DNAJC17: variants seen among roughly 807,000 people sequenced by gnomAD.
DNAJC17 encodes the protein DnaJ heat shock protein family (Hsp40) member C17.
Under a neutral mutation model 48.1 loss-of-function variants are expected in DNAJC17, and 35 were observed. That is an observed-to-expected ratio of 0.73 (90% confidence interval 0.56 to 0.96). The LOEUF is 0.96. DNAJC17 is among the 50% of genes least tolerant of loss of function. The pLI, the probability that DNAJC17 is intolerant of heterozygous loss-of-function variation, is 0.00. For synonymous variants in DNAJC17, 117 were observed against 142.7 expected, an observed-to-expected ratio of 0.82 and a Z score of 1.28; for missense variants, 355 against 377.1, an observed-to-expected ratio of 0.94 and a Z score of 0.48.
rs1267162151 is a variant in DNAJC17 at position 40,791,620 on chromosome 15, G to A, written c.79-11623C>T. Among the ~76,000 whole-genome samples, 8 of 151,988 alleles carry A rather than the reference G, an allele frequency of 5.3e-5. No individual in the cohort carries two copies. In the South Asian group the frequency reaches 1.0e-3, roughly 20 times the overall value. On this transcript the variant is annotated intron_variant, in intron 1 of 10. Transcript: ENST00000220496. The stretch of plus-strand genomic sequence containing the variant: ...AGCACTTTGGGAGGCTGAGGTGGGC[G>A]GATCACCTGAGGTCAGGAGTTCGAC...
intron 4 of DNAJC17, chr15:40,776,957 G>A (rs967299652): frequency 1.2e-5 from 3 of 245,252 alleles, no homozygotes; most frequent in East Asian, 9.1e-5. Flanking sequence ...AATGGGCGGA[G>A]CTGCTGGGCT....
At position 40,770,484 on chromosome 15, in the gene DNAJC17, C is replaced by G. The variant is rs1483411016; in HGVS notation, c.793-2422G>C. On this transcript the variant is annotated intron_variant, in intron 10 of 10. Coordinates refer to ENST00000220496, the MANE Select transcript of DNAJC17 (RefSeq NM_018163.3). This position sits in a 1 kb window ranked among gnomAD's most constrained non-coding sequence, Gnocchi z 5.0. ...GCTCCTGAACACCTGTCTGCTGGCT[C>G]CCCTGGGCCCCATGGAGACCTGGCG... The G allele has an allele frequency of 3.2e-6, 5 of 1,543,978 alleles. No homozygotes were observed. The highest frequency in any genetic ancestry group is 4.4e-6 in the Non-Finnish European group (5 of 1,144,104).
chr15:40,774,923 G>A (rs1258483071), intron 8 of DNAJC17, 108 bp downstream of exon 8: 1 of 1,155,016 alleles, frequency 8.7e-7, no homozygotes, highest in Non-Finnish European at 1.3e-6. Flanking sequence ...GAAAAAAAAA[G>A]CAAGTAGATA....
In DNAJC17 at chr15:40,770,451, C is replaced by T. The variant is rs916825958; in HGVS notation, c.793-2389G>A. 10 of 1,512,272 alleles carry T rather than the reference C, an allele frequency of 6.6e-6. No individual in the cohort carries two copies. Among genetic ancestry groups the T allele is most frequent in the East Asian group, 2.5e-5 (1 of 40,764 alleles). The allele number at this position is 1,512,272 out of a possible 1,614,324, so 93.7% of individuals were successfully genotyped here. ...ACTGCCCCAGCAGGGACCACATGCA[C>T]CCTGGCTGCTCCTGAACACCTGTCT... On this transcript the variant is annotated intron_variant, in intron 10 of 10. Coordinates refer to ENST00000220496, the MANE Select transcript of DNAJC17 (RefSeq NM_018163.3). This position sits in a 1 kb window ranked among gnomAD's most constrained non-coding sequence, Gnocchi z 5.0.
intron 1 of DNAJC17, among the ~76,000 whole-genome samples, chr15:40,781,286 G>C (rs1889479474): frequency 6.6e-6 from 1 of 151,964 alleles, no homozygotes; most frequent in South Asian, 2.1e-4. Context: ...GATCACTTGA[G>C]GTCAGGAGTT....
chr15:40,801,670 G>A (rs1456445678), intron 1 of DNAJC17, among the ~76,000 whole-genome samples: 2 of 150,304 alleles, frequency 1.3e-5, no homozygotes, highest in African/African-American at 4.9e-5. Flanking sequence ...GGAGAATGGC[G>A]TGAACCTGGG....
At position 40,774,357 on chromosome 15, in the gene DNAJC17, G is replaced by A. The variant is rs1368283580; in HGVS notation, c.680C>T (p.Ala227Val). The change falls in exon 9 of 11, where the codon GCG becomes GTG. Residue 227 changes from alanine to valine, a missense_variant and splice_region_variant. Ala to Val is a moderately conservative substitution (Grantham distance 64). This residue lies in a region of DNAJC17 where 68 missense variants were observed against 109.5 expected (regional missense o/e 0.62). Coordinates refer to ENST00000220496, the MANE Select transcript of DNAJC17 (RefSeq NM_018163.3). ...CCCCAAGCCTCATGCAGCACTCACC[G>A]CTGCCTTGACGGTTGCAAACTCCAC... ...AVVEFATVKA[A>V]ELAVQNEVGL... 19 of 1,613,788 alleles carry A rather than the reference G, an allele frequency of 1.2e-5. No individual in the cohort carries two copies. Among genetic ancestry groups the A allele is most frequent in the Admixed American group, 1.7e-5 (1 of 60,020 alleles).
chr15:40,773,552 C>CA (rs540342885), intron 10 of DNAJC17, among the ~76,000 whole-genome samples, 175 bp downstream of exon 10: 352 of 152,262 alleles, frequency 2.3e-3, no homozygotes, highest in Admixed American at 7.1e-3. Flanking sequence ...CTCTGGCCCT[C>CA]AGAGAGGAAA....
At chr15:40,797,424 T>C (rs1193545988) in intron 1 of DNAJC17, among the ~76,000 whole-genome samples, 1 of 152,032 alleles carries the variant, frequency 6.6e-6, no homozygotes, top group Non-Finnish European at 1.5e-5. Context: ...TTTCTTTTTT[T>C]TTTTTTGAGA....
At chr15:40,787,634 C>T (rs913342913) in intron 1 of DNAJC17, among the ~76,000 whole-genome samples, 3 of 152,168 alleles carry the variant, frequency 2.0e-5, no homozygotes, top group Non-Finnish European at 4.4e-5. Flanking sequence ...CCCAGCCCTT[C>T]CCCGGAAGCT....
chr15:40,800,666 C>T (rs930886800), intron 1 of DNAJC17, among the ~76,000 whole-genome samples: 1 of 150,408 alleles, frequency 6.6e-6, no homozygotes, highest in Non-Finnish European at 1.5e-5. Context: ...CATGTAAAAC[C>T]CATTCTTAGC....
rs1276056112 is a variant in DNAJC17 at position 40,766,092 on chromosome 15, T to C, written c.*1848A>G. 1 of 423,962 alleles carries C rather than the reference T, an allele frequency of 2.4e-6. No homozygotes were observed. Among genetic ancestry groups the C allele is most frequent in the South Asian group, 5.1e-5 (1 of 19,528 alleles). The allele number at this position is 423,962 out of a possible 1,614,324, so 26.3% of individuals were successfully genotyped here. The stretch of plus-strand genomic sequence containing the variant: ...GGTCCCATCTGTAGCCTCTCCAACA[T>C]CCCCCCTCTCCCCCACGAGGCTTGC... On this transcript the variant is annotated 3_prime_UTR_variant, in exon 11 of 11. Transcript: ENST00000220496.
At chr15:40,805,926 C>G (rs944433106) in intron 1 of DNAJC17, among the ~76,000 whole-genome samples, 3 of 151,824 alleles carry the variant, frequency 2.0e-5, no homozygotes, top group Non-Finnish European at 4.4e-5. Context: ...AAAAAAAATA[C>G]TGTCTAGGAC....
chr15:40,767,782 C>G lies in DNAJC17; in HGVS notation c.*158G>C. ...CGGAGCGTTTCCCTGGGGGTCTGCC[C>G]ACTTCCTGGGAGGGGCGCCAGGCCT... is the stretch of plus-strand genomic sequence containing the variant. On this transcript the variant is annotated 3_prime_UTR_variant, in exon 11 of 11. Coordinates refer to ENST00000220496, the MANE Select transcript of DNAJC17 (RefSeq NM_018163.3). 9.1e-7 allele frequency: 1 copy of G among 1,098,168 alleles called. No individual in the cohort carries two copies. Among genetic ancestry groups the G allele is most frequent in the Non-Finnish European group, 1.3e-6 (1 of 793,908 alleles). The allele number at this position is 1,098,168 out of a possible 1,614,324, so 68.0% of individuals were successfully genotyped here.
chr15:40,786,335 G>A (rs1275146556), intron 1 of DNAJC17, among the ~76,000 whole-genome samples: 6 of 152,196 alleles, frequency 3.9e-5, no homozygotes, highest in Non-Finnish European at 8.8e-5. Context: ...CAGGACTGCT[G>A]AAAGCCAGGT....
intron 1 of DNAJC17, among the ~76,000 whole-genome samples, chr15:40,798,301 T>C (rs941755285): frequency 6.6e-6 from 1 of 152,040 alleles, no homozygotes; most frequent in East Asian, 1.9e-4. Flanking sequence ...GTCAAATTCA[T>C]ATAGAGAAAG....
intron 4 of DNAJC17, 58 bp downstream of exon 4, chr15:40,779,165 G>A: frequency 6.6e-7 from 1 of 1,524,694 alleles, no homozygotes. Context: ...AGGTGAGGGA[G>A]ATGAATGAAA....
At chr15:40,805,791 A>T (rs1380264426) in intron 1 of DNAJC17, among the ~76,000 whole-genome samples, 1 of 152,294 alleles carries the variant, frequency 6.6e-6, no homozygotes, top group South Asian at 2.1e-4. Flanking sequence ...AGATCGCGCC[A>T]CTGCACTCCA....
intron 1 of DNAJC17, among the ~76,000 whole-genome samples, chr15:40,780,812 CAAATA>C (rs112369106): frequency 0.045 from 6,601 of 146,106 alleles, 524 homozygotes; most frequent in African/African-American, 0.16. Context: ...GACTCTGTCT[CAAATA>C]AAATAAAATA....
Sources: gnomAD v4.1 joint callset for allele counts (sites outside exome capture counted in the v4.1 genomes callset) on GRCh38, gnomAD v4.1.1 for gene constraint, gnomAD v4.1.1 regional missense constraint, Gnocchi (gnomAD v3.1) non-coding constraint, MANE v1.5 for transcripts, NCBI Gene and HGNC (gene_info 2026-07-23, HGNC 2026-07-21) for gene names.